The following B3GALT1 variants were observed in gnomAD, a reference collection of about 807,000 sequenced individuals.
B3GALT1 encodes beta-1,3-galactosyltransferase 1.
B3GALT1 carries 10 observed loss-of-function variants against 23.2 expected under a neutral mutation model. The ratio of observed to expected loss-of-function variants is 0.43; its 90% confidence interval spans 0.27 to 0.73. The LOEUF is 0.73. Among genes scored for constraint, B3GALT1 ranks in the 30% least tolerant of loss-of-function variants. The pLI is 0.21. For missense variants in B3GALT1, 299 were observed against 405.4 expected (o/e 0.74, Z 2.25); for synonymous variants, 156 against 141.5 (o/e 1.10, Z -0.73).
intron 1 of B3GALT1, among the ~76,000 whole-genome samples, chr2:167,294,340 G>GT (rs1696313296): frequency 6.6e-6 from 1 of 152,238 alleles, no homozygotes; most frequent in Non-Finnish European, 1.5e-5. Flanking sequence ...GAGTAACCAG[G>GT]TTAGGGTACC....
At chr2:167,564,950 C>T (rs1164558805) in intron 2 of B3GALT1, among the ~76,000 whole-genome samples, 8 of 152,166 alleles carry the variant, frequency 5.3e-5, no homozygotes. Flanking sequence ...TTTGTAGATT[C>T]CATGCCATCC....
At chr2:167,824,798 T>C (rs961098698) in intron 4 of B3GALT1, among the ~76,000 whole-genome samples, 3 of 152,166 alleles carry the variant, frequency 2.0e-5, no homozygotes, top group African/African-American at 4.8e-5. Context: ...TTCACAGAAG[T>C]GGGGAACCAT....
chr2:167,835,354 TA>T (rs1223763225), intron 4 of B3GALT1, among the ~76,000 whole-genome samples: 2 of 152,200 alleles, frequency 1.3e-5, no homozygotes, highest in Non-Finnish European at 2.9e-5. Flanking sequence ...CCGACGGGCT[TA>T]AAAAACGGCG....
At chr2:167,831,296 T>G (rs1352842356) in intron 4 of B3GALT1, among the ~76,000 whole-genome samples, 2 of 152,194 alleles carry the variant, frequency 1.3e-5, no homozygotes, top group African/African-American at 2.4e-5. Flanking sequence ...GAAAATCTCC[T>G]TTATACGAGG....
At chr2:167,450,119 G>A (rs181623360) in intron 1 of B3GALT1, among the ~76,000 whole-genome samples, 114 of 152,166 alleles carry the variant, frequency 7.5e-4, no homozygotes, top group African/African-American at 2.6e-3. Flanking sequence ...AATGATTTAG[G>A]GAGAATTCCT....
intron 3 of B3GALT1, among the ~76,000 whole-genome samples, chr2:167,807,100 G>A (rs558406705): frequency 0.029 from 4,427 of 152,080 alleles, 236 homozygotes; most frequent in African/African-American, 0.1. Flanking sequence ...GTTTATTTGC[G>A]TAGAGGTGTT....
chr2:167,759,701 G>T (rs1687871379), intron 3 of B3GALT1, among the ~76,000 whole-genome samples: 1 of 152,116 alleles, frequency 6.6e-6, no homozygotes. Context: ...CTGAGCTGTT[G>T]CAGCTTCTCT....
At chr2:167,568,291 T>TTTAG (rs1684212921) in intron 2 of B3GALT1, among the ~76,000 whole-genome samples, 1 of 152,114 alleles carries the variant, frequency 6.6e-6, no homozygotes, top group African/African-American at 2.4e-5. Flanking sequence ...GTAAGTTATG[T>TTTAG]TTAGTTTGGT....
intron 4 of B3GALT1, among the ~76,000 whole-genome samples, chr2:167,837,124 GA>G (rs1248689106): frequency 1.3e-5 from 2 of 152,090 alleles, no homozygotes; most frequent in Non-Finnish European, 2.9e-5. Flanking sequence ...ATCAACTAAG[GA>G]GCAAAATAAC....
At chr2:167,854,730 C>T (rs976931825) in intron 4 of B3GALT1, among the ~76,000 whole-genome samples, 1 of 152,132 alleles carries the variant, frequency 6.6e-6, no homozygotes, top group Non-Finnish European at 1.5e-5. Flanking sequence ...TTACAGCTGG[C>T]CCATTTCCAG....
intron 1 of B3GALT1, among the ~76,000 whole-genome samples, chr2:167,424,477 A>T (rs956284197): frequency 2.8e-4 from 42 of 152,330 alleles, no homozygotes; most frequent in African/African-American, 9.9e-4. Context: ...GGAAGACATA[A>T]TTAAAATTAT....
chr2:167,635,531 A>C (rs1377895039), intron 2 of B3GALT1, among the ~76,000 whole-genome samples: 1 of 152,156 alleles, frequency 6.6e-6, no homozygotes, highest in Non-Finnish European at 1.5e-5. Flanking sequence ...TGCAAAAATC[A>C]CAAGCATTCC....
intron 1 of B3GALT1, among the ~76,000 whole-genome samples, chr2:167,393,578 T>C (rs1698052728): frequency 6.6e-6 from 1 of 152,202 alleles, no homozygotes; most frequent in Non-Finnish European, 1.5e-5. Context: ...TAAATACTTT[T>C]TAAAAAGGTA....
chr2:167,842,559 C>A (rs908947910), intron 4 of B3GALT1, among the ~76,000 whole-genome samples: 1 of 152,140 alleles, frequency 6.6e-6, no homozygotes. Flanking sequence ...GTATAATTTT[C>A]TTTAAATGTT....
chr2:167,373,229 G>A (rs1337716990), intron 1 of B3GALT1, among the ~76,000 whole-genome samples: 4 of 151,710 alleles, frequency 2.6e-5, no homozygotes, highest in African/African-American at 9.7e-5. Flanking sequence ...AATTCAAAAT[G>A]GATTATAAAC....
intron 1 of B3GALT1, among the ~76,000 whole-genome samples, chr2:167,392,239 G>T (rs147689644): frequency 0.012 from 1,853 of 151,864 alleles, 41 homozygotes; most frequent in African/African-American, 0.042. Context: ...TCTAACTTGG[G>T]AAGTTTGCCC....
intron 4 of B3GALT1, among the ~76,000 whole-genome samples, chr2:167,836,701 G>A (rs1024949716): frequency 1.3e-5 from 2 of 152,114 alleles, no homozygotes; most frequent in Non-Finnish European, 1.5e-5. Context: ...TCCTCAAGAA[G>A]AGCAACTCCA....
chr2:167,301,455 T>C (rs1696444511), intron 1 of B3GALT1, among the ~76,000 whole-genome samples: 2 of 152,200 alleles, frequency 1.3e-5, no homozygotes, highest in African/African-American at 4.8e-5. Context: ...AAGTGTGACT[T>C]TACTAGCTTT....
intron 2 of B3GALT1, among the ~76,000 whole-genome samples, chr2:167,589,098 T>C (rs1454092620): frequency 1.3e-5 from 2 of 152,028 alleles, no homozygotes; most frequent in African/African-American, 4.8e-5. Context: ...TGAGCCACCA[T>C]GTCCAGCTAT....
Sources: allele counts gnomAD v4.1 joint callset (sites outside exome capture counted in the v4.1 genomes callset), GRCh38; gene constraint gnomAD v4.1.1; transcripts MANE v1.5; gene names NCBI Gene and HGNC (gene_info 2026-07-23, HGNC 2026-07-21).